The following ZNF609 variants were observed in gnomAD, a reference collection of about 807,000 sequenced individuals.
ZNF609 encodes zinc finger protein 609.
ZNF609 carries 11 observed loss-of-function variants against 109.5 expected under a neutral mutation model. The ratio of observed to expected loss-of-function variants is 0.10; its 90% CI spans 0.06 to 0.17. The LOEUF (loss-of-function observed/expected upper bound fraction) is 0.17, where lower values mean the gene tolerates loss of function less well. Ranked by LOEUF, ZNF609 falls within the 10% of genes least tolerant of loss-of-function variation. ZNF609 has a pLI of 1.00. For synonymous variants in ZNF609, 646 were observed against 662.0 expected (o/e 0.98, Z 0.37); for missense variants, 1,559 against 1,772.4 (o/e 0.88, Z 2.16).
intron 3 of ZNF609, among the ~76,000 whole-genome samples, chr15:64,638,553 G>A (rs1343753215): frequency 6.6e-6 from 1 of 151,920 alleles, no homozygotes; most frequent in African/African-American, 2.4e-5. Flanking sequence ...ATTGGGGGGA[G>A]GGGGGATCAG....
At chr15:64,517,360 G>T (rs1364419041) in intron 2 of ZNF609, among the ~76,000 whole-genome samples, 1 of 152,146 alleles carries the variant, frequency 6.6e-6, no homozygotes, top group Non-Finnish European at 1.5e-5. Context: ...CTAGGTGACA[G>T]AGGGGGATTC....
intron 2 of ZNF609, among the ~76,000 whole-genome samples, chr15:64,539,754 A>G (rs1267117491): frequency 6.6e-6 from 1 of 152,072 alleles, no homozygotes; most frequent in Non-Finnish European, 1.5e-5. Flanking sequence ...CAGTCTCCCA[A>G]AGTGCTGGGA....
At position 64,617,868 on chromosome 15, in the gene ZNF609, A is replaced by G. The variant is rs373871119; in HGVS notation, c.748-4959A>G. On this transcript the variant is annotated intron_variant, in intron 2 of 9. Transcript: ENST00000326648. ...CAGAGATCTCCTCTTTAAATTCTCT[A>G]TAAGTCTCTTTTCAAGCTTTTGTTT... is the stretch of plus-strand genomic sequence containing the variant. Among the ~76,000 whole-genome samples, 19 of 152,296 alleles carry G rather than the reference A, an allele frequency of 1.2e-4. 1 individual carries two copies. Among genetic ancestry groups the G allele is most frequent in the Admixed American group, 5.9e-4 (9 of 15,294 alleles).
At position 64,486,653 on chromosome 15, in the gene ZNF609, TCA is replaced by T. The variant is rs1261905185; in HGVS notation, c.-127-12638_-127-12637del. ...TTTTTCAAGACACAGTCTTGCTCTG[TCA>T]CCCAGGCCAGAGTGCAGTGGCATGA... On this transcript the variant is annotated intron_variant, in intron 1 of 9. Transcript: ENST00000326648. Among the ~76,000 whole-genome samples the T allele has an allele frequency of 2.6e-5, 4 of 152,196 alleles. No individual in the cohort carries two copies. In the East Asian group the frequency reaches 7.7e-4, roughly 29 times the overall value.
intron 2 of ZNF609, among the ~76,000 whole-genome samples, chr15:64,567,900 A>T (rs1475714853): frequency 2.0e-5 from 3 of 152,038 alleles, no homozygotes; most frequent in Admixed American, 6.6e-5. Context: ...TGACATCGTG[A>T]TCTGCCCACC....
At chr15:64,560,298 G>A (rs1326905790) in intron 2 of ZNF609, among the ~76,000 whole-genome samples, 2 of 151,168 alleles carry the variant, frequency 1.3e-5, no homozygotes, top group African/African-American at 4.9e-5. Context: ...TGCCCGCCTC[G>A]GCCTCCCAAA....
At chr15:64,660,486 G>C (rs574380034) in intron 3 of ZNF609, among the ~76,000 whole-genome samples, 1 of 152,272 alleles carries the variant, frequency 6.6e-6, no homozygotes, top group Non-Finnish European at 1.5e-5. Context: ...TTTACATATT[G>C]TCTGGGGCTC....
intron 2 of ZNF609, among the ~76,000 whole-genome samples, chr15:64,609,557 G>A (rs193241737): frequency 1.3e-4 from 20 of 150,096 alleles, no homozygotes; most frequent in African/African-American, 4.4e-4. Context: ...TGATCCACCC[G>A]CCTTGGGCTC....
chr15:64,607,479 T>C lies in ZNF609; in HGVS notation c.748-15348T>C, dbSNP rs560485630. 9.2e-5 allele frequency among the ~76,000 whole-genome samples: 14 copies of C among 151,990 alleles called. No individual in the cohort carries two copies. In the South Asian group the frequency reaches 2.9e-3, roughly 31 times the overall value. ...TAATATTTAACAGGTTTTTTAATGT[T>C]ATTTTAACTAACTTAAGGCATACTT... is the stretch of plus-strand genomic sequence containing the variant. On this transcript the variant is annotated intron_variant, in intron 2 of 9. Coordinates refer to ENST00000326648, the MANE Select transcript of ZNF609 (RefSeq NM_015042.2).
At chr15:64,666,948 A>G (rs949133937) in intron 3 of ZNF609, among the ~76,000 whole-genome samples, 1 of 152,082 alleles carries the variant, frequency 6.6e-6, no homozygotes, top group Non-Finnish European at 1.5e-5. Flanking sequence ...CTAACATGGT[A>G]AACCCTGTCT....
chr15:64,474,433 G>A (rs1188631378), intron 1 of ZNF609, among the ~76,000 whole-genome samples: 25 of 151,310 alleles, frequency 1.7e-4, no homozygotes, highest in Non-Finnish European at 4.4e-5. Flanking sequence ...TGCTGGTCTC[G>A]AACTCCCGAC....
chr15:64,549,998 A>C (rs1198636662), intron 2 of ZNF609, among the ~76,000 whole-genome samples: 2 of 151,966 alleles, frequency 1.3e-5, no homozygotes, highest in Non-Finnish European at 2.9e-5. Flanking sequence ...GGGTCTTGCT[A>C]TATTGCCCAG....
intron 2 of ZNF609, among the ~76,000 whole-genome samples, chr15:64,568,331 T>C (rs1253495061): frequency 6.6e-6 from 1 of 152,186 alleles, no homozygotes; most frequent in Non-Finnish European, 1.5e-5. Flanking sequence ...GAAAACCTTA[T>C]TGTTCCTTGT....
At chr15:64,490,506 T>C (rs1893399448) in intron 1 of ZNF609, among the ~76,000 whole-genome samples, 1 of 152,118 alleles carries the variant, frequency 6.6e-6, no homozygotes, top group Non-Finnish European at 1.5e-5. Flanking sequence ...ACTCCCGACC[T>C]CAGGTGATCC....
intron 2 of ZNF609, chr15:64,529,175 C>A: frequency 1.4e-6 from 1 of 738,718 alleles, no homozygotes; most frequent in South Asian, 1.4e-5. Flanking sequence ...CCAAAGTTGT[C>A]ATGGATGACC....
chr15:64,556,936 A>G (rs1029401467), intron 2 of ZNF609, among the ~76,000 whole-genome samples: 1 of 152,180 alleles, frequency 6.6e-6, no homozygotes, highest in Non-Finnish European at 1.5e-5. Flanking sequence ...GAACTTTTCA[A>G]CATTAAAGAT....
chr15:64,521,157 T>C (rs2140364474), intron 2 of ZNF609, among the ~76,000 whole-genome samples: 1 of 152,284 alleles, frequency 6.6e-6, no homozygotes, highest in East Asian at 1.9e-4. Context: ...GTAACCCACG[T>C]CCATGTCTTA....
In ZNF609 at chr15:64,539,066, C is replaced by T. The variant is rs181309365; in HGVS notation, c.747+38900C>T. On this transcript the variant is annotated intron_variant, in intron 2 of 9. Transcript: ENST00000326648. ...TCACCCAGGCTGGAGTGCAGTGGCG[C>T]GATCTTGGCTCACTGCAACCTCCGC... is the stretch of plus-strand genomic sequence containing the variant. Among the ~76,000 whole-genome samples the T allele has an allele frequency of 4.7e-4, 71 of 151,980 alleles. 1 individual carries two copies. Among genetic ancestry groups the T allele is most frequent in the East Asian group, 4.3e-3 (22 of 5,176 alleles).
intron 2 of ZNF609, among the ~76,000 whole-genome samples, chr15:64,607,369 T>C (rs1256053623): frequency 6.6e-6 from 1 of 152,096 alleles, no homozygotes; most frequent in Non-Finnish European, 1.5e-5. Context: ...ATTTTCTTTG[T>C]ATACTTGAAC....
Sources: allele counts gnomAD v4.1 joint callset (sites outside exome capture counted in the v4.1 genomes callset), GRCh38; gene constraint gnomAD v4.1.1; transcripts MANE v1.5; gene names NCBI Gene and HGNC (gene_info 2026-07-23, HGNC 2026-07-21).